SLC8A2: variants seen among roughly 807,000 people sequenced by gnomAD.
SLC8A2 encodes sodium/calcium exchanger 2.
A neutral mutation model predicts 70.2 loss-of-function variants in SLC8A2; 14 were observed. The ratio of observed to expected loss-of-function variants is 0.20; its 90% CI spans 0.13 to 0.31. The LOEUF (loss-of-function observed/expected upper bound fraction) is 0.31, where lower values mean the gene tolerates loss of function less well. Ranked by LOEUF, SLC8A2 falls within the 10% of genes least tolerant of loss-of-function variation. The pLI is 1.00. For missense variants in SLC8A2, 779 were observed against 1,320.1 expected (o/e 0.59, Z 6.35); for synonymous variants, 575 against 594.3 (o/e 0.97, Z 0.47).
In SLC8A2 at chr19:47,432,568, T is replaced by C; in HGVS notation, c.2111-123A>G. ...AATGAACTTCTTTCCCAGAATCCCT[T>C]GCACCTACCTGTGGCCAAGTCAACT... On this transcript the variant is annotated intron_variant, in intron 8 of 9. Transcript: ENST00000236877. This position sits in a 1 kb window ranked among gnomAD's most constrained non-coding sequence, Gnocchi z 6.2. 1.0e-6 allele frequency: 1 copy of C among 979,982 alleles called. No individual in the cohort carries two copies. The highest frequency in any genetic ancestry group is 1.5e-6 in the Non-Finnish European group (1 of 676,790). The allele number at this position is 979,982 out of a possible 1,614,324, so 60.7% of individuals were successfully genotyped here. A position where few individuals can be genotyped will look rare whatever the true frequency, so the allele number is the denominator to read the frequency against.
In SLC8A2 at chr19:47,466,326, G is replaced by A. The variant is rs1018598602; in HGVS notation, c.78C>T (p.Pro26=). 1.4e-6 allele frequency: 2 copies of A among 1,471,726 alleles called. No individual in the cohort carries two copies. The highest frequency in any genetic ancestry group is 2.8e-5 in the African/African-American group (2 of 71,356). 91.2% of individuals were successfully genotyped at this position (1,471,726 alleles called of 1,614,324 possible). ...PPCSGAATPT[P]SLPPPPANDS... is the part of the protein sequence containing the mutation. ...CATTGGCCGGGGGAGGCGGCAGGGAGGGGGTTGGGGTGGCTGCCCCGGAGC... is the reference window on the plus strand; with the variant it reads ...CATTGGCCGGGGGAGGCGGCAGGGAAGGGGTTGGGGTGGCTGCCCCGGAGC... The change falls in exon 2 of 10, where the codon CCC becomes CCT. Residue 26 remains proline (P), a synonymous_variant. Coordinates refer to ENST00000236877, the MANE Select transcript of SLC8A2 (RefSeq NM_015063.3). This position sits in a 1 kb window ranked among gnomAD's most constrained non-coding sequence, Gnocchi z 6.9.
intron 2 of SLC8A2, among the ~76,000 whole-genome samples, chr19:47,461,088 G>A (rs1352615898): frequency 6.6e-6 from 1 of 151,986 alleles, no homozygotes; most frequent in Non-Finnish European, 1.5e-5. Flanking sequence ...TACTTGGGAA[G>A]CTGAGGCAGG....
chr19:47,468,972 AGT>A lies in SLC8A2; in HGVS notation c.-16-2555_-16-2554del, dbSNP rs1429718461. ...TCCAGGGGCTTCCATTTGCTTGAAA[AGT>A]TCTTCTGAGAGTCTAACCCACAGCC... On this transcript the variant is annotated intron_variant, in intron 1 of 9. Transcript: ENST00000236877. The surrounding 1 kb of genome is among the most constrained non-coding windows in gnomAD (Gnocchi z 5.1). 3.0e-4 allele frequency among the ~76,000 whole-genome samples: 46 copies of A among 152,252 alleles called. No individual in the cohort carries two copies. Among genetic ancestry groups the A allele is most frequent in the African/African-American group, 9.1e-4 (38 of 41,546 alleles).
chr19:47,470,110 A>G (rs907249073), intron 1 of SLC8A2, among the ~76,000 whole-genome samples: 3 of 152,304 alleles, frequency 2.0e-5, no homozygotes, highest in Middle Eastern at 6.8e-3. Flanking sequence ...ACTTCTAAAC[A>G]TGCACATTTA....
chr19:47,449,613 C>T (rs910768411), intron 3 of SLC8A2, among the ~76,000 whole-genome samples: 3 of 152,150 alleles, frequency 2.0e-5, no homozygotes, highest in Non-Finnish European at 2.9e-5. Flanking sequence ...CGTGAGCAAC[C>T]GTGCCTGGCC....
Position 47,447,758 on chromosome 19 carries a change from T to G in SLC8A2, c.1763+51A>C. On this transcript the variant is annotated intron_variant, in intron 4 of 9. Coordinates refer to ENST00000236877, the MANE Select transcript of SLC8A2 (RefSeq NM_015063.3). This position sits in a 1 kb window ranked among gnomAD's most constrained non-coding sequence, Gnocchi z 5.1. ...CCCCGCCCCTGAGCCACATCAGGCC[T>G]CGCCCATTCCGAAGCCCCGCCCCTC... 1.3e-6 allele frequency: 2 copies of G among 1,503,408 alleles called. No individual in the cohort carries two copies. The highest frequency in any genetic ancestry group is 1.8e-6 in the Non-Finnish European group (2 of 1,134,940). 93.1% of individuals were successfully genotyped at this position (1,503,408 alleles called of 1,614,324 possible). A position where few individuals can be genotyped will look rare whatever the true frequency, so the allele number is the denominator to read the frequency against.
rs1288558176 is a variant in SLC8A2 at position 47,437,961 on chromosome 19, C to T, written c.1898G>A (p.Arg633Lys). 1 of 1,614,140 alleles carries T rather than the reference C, an allele frequency of 6.2e-7. No homozygotes were observed. The highest frequency in any genetic ancestry group is 1.3e-5 in the African/African-American group (1 of 75,030). Residue 633 changes from arginine (R) to lysine (K), a missense_variant, in exon 7 of 10, where the codon AGG becomes AAG. Arg to Lys is a conservative substitution (Grantham distance 26, BLOSUM62 2). Coordinates refer to ENST00000236877, the MANE Select transcript of SLC8A2 (RefSeq NM_015063.3). ...ALLLNQGDGD[R>K]KLTAEEEEAR... ...CTCCTCCTCCTCGGCTGTTAGCTTC[C>T]TGTCCCCATCCCCTGCAGCATGAGG...
chr19:47,432,075 T>G lies in SLC8A2; in HGVS notation c.2389+92A>C. On this transcript the variant is annotated intron_variant, in intron 9 of 9. Transcript: ENST00000236877. This position sits in a 1 kb window ranked among gnomAD's most constrained non-coding sequence, Gnocchi z 6.2. Reference sequence around the variant, plus strand: ...TGAGACCCACCACATGGGCGCTGTGTGACTCCACCCACCTCATTTTGGCAG... The same window carrying G: ...TGAGACCCACCACATGGGCGCTGTGGGACTCCACCCACCTCATTTTGGCAG... 4 of 1,264,154 alleles carry G rather than the reference T, an allele frequency of 3.2e-6. No individual in the cohort carries two copies. The highest frequency in any genetic ancestry group is 4.4e-6 in the Non-Finnish European group (4 of 910,666). The allele number at this position is 1,264,154 out of a possible 1,614,324, so 78.3% of individuals were successfully genotyped here.
At chr19:47,435,590 C>T (rs1298799551) in intron 8 of SLC8A2, among the ~76,000 whole-genome samples, 2 of 148,634 alleles carry the variant, frequency 1.3e-5, no homozygotes, top group African/African-American at 5.1e-5. Context: ...GCTTTGTTGC[C>T]CAGGCTGGAG....
rs565674321 is a variant in SLC8A2, at chr19:47,466,666, C to T, written c.-16-247G>A. ...GTGGGAATGCAAATTGGTCTATGCA[C>T]TTTGGGCAACTACAGCCGAACACCA... On this transcript the variant is annotated intron_variant, in intron 1 of 9. Transcript: ENST00000236877. This position sits in a 1 kb window ranked among gnomAD's most constrained non-coding sequence, Gnocchi z 6.9. 6.6e-6 allele frequency among the ~76,000 whole-genome samples: 1 copy of T among 152,208 alleles called. No individual in the cohort carries two copies. Among genetic ancestry groups the T allele is most frequent in the African/African-American group, 2.4e-5 (1 of 41,532 alleles).
In SLC8A2 at chr19:47,432,168, A is replaced by C; in HGVS notation, c.2388T>G (p.Pro796=). ...CACCAAAGTCTCCCAGGGTGTTACC[A>C]GGGATGGAGGTGCCCAGGGCAACGA... is the stretch of plus-strand genomic sequence containing the variant. The part of the protein sequence containing the change: ...VVFVALGTSI[P]DTFASKVAAL... Residue 796 remains proline, a splice_region_variant and synonymous_variant, in exon 9 of 10, where the codon CCT becomes CCG. Transcript: ENST00000236877. The surrounding 1 kb of genome is among the most constrained non-coding windows in gnomAD (Gnocchi z 6.2). 1 of 1,605,146 alleles carries C rather than the reference A, an allele frequency of 6.2e-7. No homozygotes were observed. The highest frequency in any genetic ancestry group is 8.5e-7 in the Non-Finnish European group (1 of 1,174,316).
chr19:47,437,439 C>A (rs1568440249), intron 8 of SLC8A2, 23 bp downstream of exon 8: 1 of 1,445,588 alleles, frequency 6.9e-7, no homozygotes, highest in Admixed American at 1.7e-5. Flanking sequence ...TTTCTCTCTT[C>A]TCTCTCCTCC....
intron 2 of SLC8A2, among the ~76,000 whole-genome samples, chr19:47,458,301 C>T (rs1967342135): frequency 8.3e-6 from 1 of 119,842 alleles, no homozygotes; most frequent in Non-Finnish European, 1.7e-5. Context: ...CTTCTTTCCC[C>T]ATCTCTCTCC....
intron 3 of SLC8A2, among the ~76,000 whole-genome samples, chr19:47,451,308 C>CTTTTTTTTTTTT (rs1555749092): frequency 2.7e-5 from 4 of 150,360 alleles, no homozygotes; most frequent in African/African-American, 9.9e-5. Context: ...GCGCCCAGAC[C>CTTTTTTTTTTTT]TTTTTTTTGT....
Position 47,430,374 on chromosome 19 carries a change from G to C in SLC8A2, c.2481C>G (p.Phe827Leu). The C allele has an allele frequency of 6.2e-7, 1 of 1,611,752 alleles. No individual in the cohort carries two copies. Among genetic ancestry groups the C allele is most frequent in the Non-Finnish European group, 8.5e-7 (1 of 1,179,474 alleles). ...NVTGSNAVNV[F>L]LGLGVAWSVA... ...CAGACCAGGCGACGCCCAGGCCAAG[G>C]AACACGTTCACCGCGTTGGAGCCGG... Residue 827 changes from phenylalanine (F) to leucine (L), a missense_variant, in exon 10 of 10, where the codon TTC (phenylalanine) becomes TTG (leucine). Around this residue, in one of 6 missense-constraint regions of SLC8A2, gnomAD observed 108 missense variants for 269.6 expected, o/e 0.40. Coordinates refer to ENST00000236877, the MANE Select transcript of SLC8A2 (RefSeq NM_015063.3). This position sits in a 1 kb window ranked among gnomAD's most constrained non-coding sequence, Gnocchi z 5.9.
intron 2 of SLC8A2, among the ~76,000 whole-genome samples, chr19:47,459,034 A>C (rs1312516725): frequency 9.8e-4 from 92 of 93,680 alleles, no homozygotes; most frequent in Middle Eastern, 8.6e-3. Flanking sequence ...GTTCCTCTCC[A>C]TCTCTGTCTC....
chr19:47,459,744 CGT>C (rs766580156), intron 2 of SLC8A2, among the ~76,000 whole-genome samples: 38 of 148,762 alleles, frequency 2.6e-4, no homozygotes, highest in Admixed American at 8.7e-4. Context: ...TGTATGTGTA[CGT>C]GTGTGTCCAT....
intron 3 of SLC8A2, among the ~76,000 whole-genome samples, chr19:47,449,532 C>T (rs1163814033): frequency 6.6e-6 from 1 of 152,118 alleles, no homozygotes; most frequent in Non-Finnish European, 1.5e-5. Context: ...TCATGTTGGC[C>T]AGGCCGGTCT....
chr19:47,449,159 G>C (rs1256001770), intron 3 of SLC8A2, among the ~76,000 whole-genome samples: 2 of 152,160 alleles, frequency 1.3e-5, no homozygotes, highest in African/African-American at 4.8e-5. Context: ...CAGGATGTCA[G>C]GTGGTGATGG....
Sources: allele counts gnomAD v4.1 joint callset (sites outside exome capture counted in the v4.1 genomes callset), GRCh38; gene constraint gnomAD v4.1.1; regional missense constraint gnomAD v4.1.1; non-coding constraint Gnocchi (gnomAD v3.1); transcripts MANE v1.5; gene names NCBI Gene and HGNC (gene_info 2026-07-23, HGNC 2026-07-21).